FRY: variants seen among roughly 807,000 people sequenced by gnomAD.
FRY encodes protein furry homolog.
FRY carries 128 observed loss-of-function variants against 348.4 expected under a neutral mutation model. The ratio of observed to expected loss-of-function variants is 0.37; its 90% confidence interval spans 0.32 to 0.43. The LOEUF (loss-of-function observed/expected upper bound fraction) is 0.43. FRY is among the 20% of genes least tolerant of loss of function. FRY has a pLI of 1.00. For missense variants in FRY, 2,736 were observed against 3,695.2 expected (o/e 0.74, Z 6.73); for synonymous variants, 1,370 against 1,374.7 (o/e 1.00, Z 0.08).
chr13:32,072,109 A>C (rs1487894239), intron 1 of FRY, among the ~76,000 whole-genome samples: 5 of 152,192 alleles, frequency 3.3e-5, no homozygotes, highest in Non-Finnish European at 5.9e-5. Context: ...AAAGATACTA[A>C]TTCGTCTGGA....
chr13:32,033,239 A>C (rs1459510254), intron 1 of FRY, among the ~76,000 whole-genome samples: 3 of 152,234 alleles, frequency 2.0e-5, no homozygotes, highest in Non-Finnish European at 2.9e-5. Flanking sequence ...CTCAAGGATG[A>C]ATCTTCCTTT....
chr13:32,252,029 A>G (rs999774133), intron 50 of FRY, 77 bp downstream of exon 50: 2 of 992,124 alleles, frequency 2.0e-6, no homozygotes, highest in Non-Finnish European at 3.3e-6. Flanking sequence ...CTTTGGTCAT[A>G]TAATTTAGAG....
intron 1 of FRY, among the ~76,000 whole-genome samples, chr13:32,073,374 TAC>T (rs1419058060): frequency 3.9e-5 from 6 of 152,248 alleles, no homozygotes; most frequent in Non-Finnish European, 7.3e-5. Context: ...ACACCAAGAA[TAC>T]ACACAGTGTT....
Position 32,237,352 on chromosome 13 carries a change from A to G in FRY, c.5811-27A>G, listed in dbSNP as rs1243986931. 1.9e-6 allele frequency: 3 copies of G among 1,611,760 alleles called. No homozygotes were observed. The highest frequency in any genetic ancestry group is 1.1e-5 in the South Asian group (1 of 90,798). ...TTTTGGTGACACATGTTGGCATCCT[A>G]TTAAACTTATTTATTTTTATACCCA... is the stretch of plus-strand genomic sequence containing the variant. On this transcript the variant is annotated intron_variant, in intron 43 of 60. Transcript: ENST00000542859. The surrounding 1 kb of genome is among the most constrained non-coding windows in gnomAD (Gnocchi z 6.3).
intron 10 of FRY, among the ~76,000 whole-genome samples, 194 bp from the exon 11 acceptor site, chr13:32,136,677 A>G (rs1183049730): frequency 1.3e-5 from 2 of 152,238 alleles, no homozygotes; most frequent in Non-Finnish European, 2.9e-5. Flanking sequence ...TTCCATCCCC[A>G]GCATTATCAG....
intron 47 of FRY, among the ~76,000 whole-genome samples, chr13:32,246,227 C>G (rs1803888224): frequency 6.6e-6 from 1 of 152,190 alleles, no homozygotes; most frequent in Non-Finnish European, 1.5e-5. Flanking sequence ...TTCCCTTGCG[C>G]AGAATTTAAT....
At chr13:32,274,681 G>C (rs1217349458) in intron 55 of FRY, among the ~76,000 whole-genome samples, 161 bp from the exon 56 acceptor site, 13 of 140,862 alleles carry the variant, frequency 9.2e-5, no homozygotes, top group African/African-American at 3.5e-4. Flanking sequence ...TCCAGCCTGG[G>C]CGACAGAGCG....
At chr13:32,192,693 C>T (rs1883416612) in intron 28 of FRY, among the ~76,000 whole-genome samples, 1 of 150,044 alleles carries the variant, frequency 6.7e-6, no homozygotes, top group African/African-American at 2.5e-5. Flanking sequence ...CTGGTTTCAA[C>T]TGACAAGAAG....
intron 23 of FRY, among the ~76,000 whole-genome samples, chr13:32,181,575 CAAAAAAAAAAAAA>C (rs35272711): frequency 1.7e-5 from 1 of 59,038 alleles, no homozygotes; most frequent in Non-Finnish European, 3.2e-5. Context: ...ACTCCGTCAC[CAAAAAAAAAAAAA>C]AAAAAAAAGG....
intron 58 of FRY, among the ~76,000 whole-genome samples, chr13:32,284,592 A>G (rs1056872767): frequency 1.3e-5 from 2 of 152,226 alleles, no homozygotes; most frequent in Non-Finnish European, 2.9e-5. Flanking sequence ...TTTGAGGGAT[A>G]TTTATGACCA....
At chr13:32,169,501 A>T (rs535826080) in intron 17 of FRY, among the ~76,000 whole-genome samples, 1 of 152,298 alleles carries the variant, frequency 6.6e-6, no homozygotes, top group South Asian at 2.1e-4. Context: ...AGATTAAGTG[A>T]CTAGCCTGAA....
At chr13:32,214,371 G>A (rs1156425024) in intron 35 of FRY, among the ~76,000 whole-genome samples, 2 of 152,138 alleles carry the variant, frequency 1.3e-5, no homozygotes, top group East Asian at 1.9e-4. Flanking sequence ...GGCCACATGC[G>A]GCCCAGGACA....
Position 32,136,272 on chromosome 13 carries a change from A to G in FRY, c.1078-599A>G, listed in dbSNP as rs143062451. ...TCAAGTTGCTGCGGGAAGCTGGCCC[A>G]GTTAGGCAGGAAAAGCACAGTAGCA... On this transcript the variant is annotated intron_variant, in intron 10 of 60. Transcript: ENST00000542859. Among the ~76,000 whole-genome samples, 432 of 152,306 alleles carry G rather than the reference A, an allele frequency of 2.8e-3. 2 individuals carry two copies. The highest frequency in any genetic ancestry group is 1.0e-2 in the African/African-American group (414 of 41,566).
At chr13:32,180,080 T>A (rs1213801684) in intron 23 of FRY, among the ~76,000 whole-genome samples, 1 of 152,220 alleles carries the variant, frequency 6.6e-6, no homozygotes, top group Non-Finnish European at 1.5e-5. Flanking sequence ...GATAGTTCAG[T>A]ATCAATCCCA....
chr13:32,228,039 C>T lies in FRY; in HGVS notation c.5207-417C>T, dbSNP rs553739568. On this transcript the variant is annotated intron_variant, in intron 39 of 60. Coordinates refer to ENST00000542859, the MANE Select transcript of FRY (RefSeq NM_023037.3). ...TGCTGGGATTACAGGCGTGAGCCAC[C>T]GCGCCCAGCCCGTTTCACATGTTTA... Among the ~76,000 whole-genome samples, 66 of 152,292 alleles carry T rather than the reference C, an allele frequency of 4.3e-4. 1 individual carries two copies. Among genetic ancestry groups the T allele is most frequent in the Middle Eastern group, 3.4e-3 (1 of 294 alleles).
intron 39 of FRY, 53 bp from the exon 40 acceptor site, chr13:32,228,403 G>A (rs1885717154): frequency 1.3e-5 from 17 of 1,323,062 alleles, no homozygotes; most frequent in African/African-American, 2.9e-5. Context: ...CATTAAGCAT[G>A]CTGACAAGCA....
chr13:32,165,448 A>G (rs1432234112), intron 17 of FRY, among the ~76,000 whole-genome samples: 1 of 152,212 alleles, frequency 6.6e-6, no homozygotes, highest in East Asian at 1.9e-4. Flanking sequence ...CTGTAGATAG[A>G]TGGGGGTTCA....
chr13:32,264,176 C>G lies in FRY; in HGVS notation c.7780-1274C>G, dbSNP rs74044964. Among the ~76,000 whole-genome samples, 411 of 152,302 alleles carry G rather than the reference C, an allele frequency of 2.7e-3. 2 individuals are homozygous for G. Among genetic ancestry groups the G allele is most frequent in the African/African-American group, 9.4e-3 (391 of 41,564 alleles). ...GTATTTTAATAAGGACTCATCCCTT[C>G]TCTAATGGATTAAGTGTATGTACAC... On this transcript the variant is annotated intron_variant, in intron 53 of 60. Transcript: ENST00000542859.
chr13:32,046,157 G>A (rs1566043069), intron 1 of FRY, among the ~76,000 whole-genome samples: 2 of 152,170 alleles, frequency 1.3e-5, no homozygotes, highest in East Asian at 3.9e-4. Context: ...CCAGGAGAAT[G>A]AAAATGCTCT....
Sources: gnomAD v4.1 joint callset for allele counts (sites outside exome capture counted in the v4.1 genomes callset) on GRCh38, gnomAD v4.1.1 for gene constraint, Gnocchi (gnomAD v3.1) non-coding constraint, MANE v1.5 for transcripts, NCBI Gene and HGNC (gene_info 2026-07-23, HGNC 2026-07-21) for gene names.